The following RBPJ variants were observed in gnomAD, a reference collection of about 807,000 sequenced individuals.
The protein encoded by RBPJ is recombination signal binding protein for immunoglobulin kappa J region.
A neutral mutation model predicts 67.8 loss-of-function variants in RBPJ; 9 were observed. The ratio of observed to expected loss-of-function variants is 0.13; its 90% CI spans 0.08 to 0.23. The LOEUF (loss-of-function observed/expected upper bound fraction) is 0.23. RBPJ is among the 10% of genes least tolerant of loss of function. The probability of loss-of-function intolerance (pLI) is 1.00; values close to 1 mark genes in which losing one functional copy is unlikely to be tolerated. For missense variants in RBPJ, 305 were observed against 595.6 expected, an observed-to-expected ratio of 0.51 and a Z score of 5.08; for synonymous variants, 198 against 203.3, an observed-to-expected ratio of 0.97 and a Z score of 0.22.
chr4:26,156,704 G>A, the RBPJ span, among the ~76,000 whole-genome samples: 6 of 151,922 alleles, frequency 3.9e-5, no homozygotes, highest in South Asian at 2.1e-4. Context: ...ATCCATCCAC[G>A]TCGGCCTCCC....
chr4:26,219,942 A>AT (rs60883152), intron 1 of RBPJ, among the ~76,000 whole-genome samples: 4,028 of 147,272 alleles, frequency 0.027, 191 homozygotes, highest in African/African-American at 0.093. Context: ...CGCCCAACTA[A>AT]TTTTTTTTTT....
chr4:26,113,405 T>C, the RBPJ span: 2 of 544,546 alleles, frequency 3.7e-6, no homozygotes, highest in Non-Finnish European at 7.1e-6. Flanking sequence ...AGAGAAACCC[T>C]ATGAATGTAC....
intron 2 of RBPJ, among the ~76,000 whole-genome samples, chr4:26,397,948 A>T (rs1427384063): frequency 1.3e-5 from 2 of 152,082 alleles, no homozygotes; most frequent in African/African-American, 2.4e-5. Flanking sequence ...ACTCTTTGAA[A>T]ATGTAAAAGG....
chr4:26,114,102 T>C, the RBPJ span, among the ~76,000 whole-genome samples: 1 of 152,192 alleles, frequency 6.6e-6, no homozygotes, highest in Admixed American at 6.5e-5. Flanking sequence ...TAATGGACAA[T>C]ATTCATTTAC....
At chr4:26,147,720 GCCA>G in the RBPJ span, among the ~76,000 whole-genome samples, 3 of 152,160 alleles carry the variant, frequency 2.0e-5, no homozygotes, top group Non-Finnish European at 4.4e-5. Flanking sequence ...CTGGGTTCAA[GCCA>G]TTCTCCAAGA....
chr4:26,391,212 AAAAAGAACTTAC>A (rs1330148357), intron 2 of RBPJ, among the ~76,000 whole-genome samples: 4 of 152,246 alleles, frequency 2.6e-5, no homozygotes, highest in Non-Finnish European at 5.9e-5. Flanking sequence ...GAAAAAAAGA[AAAAAGAACTTAC>A]ACTGCCTGGT....
chr4:26,408,299 A>G (rs1390624750), intron 3 of RBPJ, among the ~76,000 whole-genome samples: 5 of 152,142 alleles, frequency 3.3e-5, no homozygotes, highest in East Asian at 1.9e-4. Context: ...ATCGTACTTT[A>G]CTAATACAAC....
chr4:26,242,147 G>A (rs1239088788), intron 1 of RBPJ, among the ~76,000 whole-genome samples: 2 of 152,142 alleles, frequency 1.3e-5, no homozygotes, highest in Admixed American at 1.3e-4. Flanking sequence ...TCAGTGCAGA[G>A]GTTCTGAGAG....
At chr4:26,117,239 G>A in the RBPJ span, among the ~76,000 whole-genome samples, 3 of 151,924 alleles carry the variant, frequency 2.0e-5, no homozygotes, top group African/African-American at 4.8e-5. Flanking sequence ...GGCTACCCCC[G>A]CTCCCCACCC....
intron 1 of RBPJ, among the ~76,000 whole-genome samples, chr4:26,256,319 A>G (rs1402505188): frequency 2.0e-5 from 3 of 152,064 alleles, no homozygotes; most frequent in Non-Finnish European, 4.4e-5. Flanking sequence ...TTTGACTAGC[A>G]TGATGTTTCT....
Position 26,348,526 on chromosome 4 carries a change from T to A in RBPJ, c.20+27478T>A, listed in dbSNP as rs148020756. Among the ~76,000 whole-genome samples, 111 of 152,290 alleles carry A rather than the reference T, an allele frequency of 7.3e-4. 1 individual carries two copies. Among genetic ancestry groups the A allele is most frequent in the African/African-American group, 2.6e-3 (109 of 41,568 alleles). Reference sequence around the variant, plus strand: ...CTAGACTTTTGATTGCTTGCTCTTATCAGTAAGTAGAAAGTTAGCATGTAC... The same window carrying A: ...CTAGACTTTTGATTGCTTGCTCTTAACAGTAAGTAGAAAGTTAGCATGTAC... On this transcript the variant is annotated intron_variant, in intron 1 of 10. Transcript: ENST00000355476.
intron 2 of RBPJ, among the ~76,000 whole-genome samples, chr4:26,402,342 G>A (rs769340127): frequency 6.6e-5 from 10 of 152,206 alleles, no homozygotes; most frequent in Middle Eastern, 3.4e-3. Context: ...AGTGGGAATC[G>A]GCACCATTAA....
chr4:26,313,242 T>C (rs555573383), intron 1 of RBPJ, among the ~76,000 whole-genome samples: 1 of 152,124 alleles, frequency 6.6e-6, no homozygotes, highest in South Asian at 2.1e-4. Context: ...TATTAGAAAA[T>C]AATTCTATGC....
intron 1 of RBPJ, among the ~76,000 whole-genome samples, chr4:26,295,050 G>A (rs897429992): frequency 1.8e-4 from 27 of 152,074 alleles, no homozygotes; most frequent in African/African-American, 5.8e-4. Flanking sequence ...GATCCCTTCT[G>A]GACATTTCCT....
At chr4:26,391,994 A>G (rs951216189) in intron 2 of RBPJ, among the ~76,000 whole-genome samples, 1 of 152,210 alleles carries the variant, frequency 6.6e-6, no homozygotes, top group Admixed American at 6.5e-5. Flanking sequence ...GTGTCCTCAC[A>G]TGGCAGGAGG....
the RBPJ span, among the ~76,000 whole-genome samples, chr4:26,154,451 A>G: frequency 6.6e-6 from 1 of 152,160 alleles, no homozygotes; most frequent in Non-Finnish European, 1.5e-5. Flanking sequence ...GTGTGGACTC[A>G]CCTGCTTTTC....
intron 1 of RBPJ, among the ~76,000 whole-genome samples, chr4:26,290,053 G>C (rs535442048): frequency 3.3e-5 from 5 of 150,428 alleles, no homozygotes; most frequent in African/African-American, 1.2e-4. Context: ...AGTTAGGCTG[G>C]GCATGGTGAC....
At chr4:26,279,752 T>C (rs746014731) in intron 1 of RBPJ, among the ~76,000 whole-genome samples, 1 of 150,306 alleles carries the variant, frequency 6.7e-6, no homozygotes, top group Non-Finnish European at 1.5e-5. Context: ...CAGAGGGAGG[T>C]AAAAAGGTTT....
intron 1 of RBPJ, among the ~76,000 whole-genome samples, chr4:26,249,910 C>T (rs1009671026): frequency 2.0e-5 from 3 of 151,176 alleles, no homozygotes; most frequent in Admixed American, 6.6e-5. Context: ...CTCAGCCTCC[C>T]GAGTAGCTGG....
Sources: allele counts gnomAD v4.1 joint callset (sites outside exome capture counted in the v4.1 genomes callset), GRCh38; gene constraint gnomAD v4.1.1; transcripts MANE v1.5; gene names NCBI Gene and HGNC (gene_info 2026-07-23, HGNC 2026-07-21).